Variants in STAC3 observed in about 807,000 individuals in gnomAD.
STAC3 encodes SH3 and cysteine-rich domain-containing protein 3.
A neutral mutation model predicts 48.5 loss-of-function variants in STAC3; 30 were observed. The observed-to-expected ratio is 0.62, with a 90% CI of 0.46 to 0.84. The LOEUF (loss-of-function observed/expected upper bound fraction) is 0.84, where lower values mean the gene tolerates loss of function less well. Ranked by LOEUF, STAC3 falls within the 40% of genes least tolerant of loss-of-function variation. The pLI, the probability that STAC3 is intolerant of heterozygous loss-of-function variation, is 0.00. For missense variants in STAC3, 419 were observed against 462.6 expected (o/e 0.91, Z 0.86); for synonymous variants, 144 against 158.6 (o/e 0.91, Z 0.69).
At position 57,244,791 on chromosome 12, in the gene STAC3, T is replaced by A. The variant is rs999887639; in HGVS notation, c.720+125A>T. On this transcript the variant is annotated intron_variant, in intron 8 of 11. Coordinates refer to ENST00000332782, the MANE Select transcript of STAC3 (RefSeq NM_145064.3). ...GGTGGGTGTGCAAGTTGATGGAGAG[T>A]GTGGGTCAGAAGTGATGGGAAGCCT... 46 of 1,376,038 alleles carry A rather than the reference T, an allele frequency of 3.3e-5. No individual in the cohort carries two copies. The African/African-American group carries it at 5.7e-4, about 17-fold the overall frequency. 85.2% of individuals were successfully genotyped at this position (1,376,038 alleles called of 1,614,324 possible). A position where few individuals can be genotyped will look rare whatever the true frequency, so the allele number is the denominator to read the frequency against.
rs976795207 is a variant in STAC3 at position 57,243,485 on chromosome 12, C to G, written c.*327G>C. Reference sequence around the variant, plus strand: ...AGTTTTGTCAAAAGTTTAATAAATTCGCAACATTCGACAGTTCGCCCTCCC... The same window carrying G: ...AGTTTTGTCAAAAGTTTAATAAATTGGCAACATTCGACAGTTCGCCCTCCC... On this transcript the variant is annotated 3_prime_UTR_variant, in exon 12 of 12. Coordinates refer to ENST00000332782, the MANE Select transcript of STAC3 (RefSeq NM_145064.3). 1.8e-6 allele frequency: 1 copy of G among 562,406 alleles called. No homozygotes were observed. The highest frequency in any genetic ancestry group is 1.9e-5 in the African/African-American group (1 of 52,442). 34.8% of individuals were successfully genotyped at this position (562,406 alleles called of 1,614,324 possible). A position where few individuals can be genotyped will look rare whatever the true frequency, so the allele number is the denominator to read the frequency against.
At chr12:57,249,481 C>A in intron 2 of STAC3, 90 bp downstream of exon 2, 1 of 1,549,346 alleles carries the variant, frequency 6.5e-7, no homozygotes, top group South Asian at 1.2e-5. Context: ...AAAAATGAGT[C>A]ACACACAAAT....
intron 8 of STAC3, 71 bp from the exon 9 acceptor site, chr12:57,244,693 G>C (rs2037689002): frequency 6.4e-7 from 1 of 1,562,736 alleles, no homozygotes; most frequent in Non-Finnish European, 8.8e-7. Flanking sequence ...TTCCAAGGCA[G>C]GGACATTCAC....
chr12:57,250,790 C>T (rs2037883091), intron 1 of STAC3, among the ~76,000 whole-genome samples: 1 of 152,060 alleles, frequency 6.6e-6, no homozygotes, highest in Non-Finnish European at 1.5e-5. Flanking sequence ...CTTTCCTTCC[C>T]TTACTACTTC....
intron 6 of STAC3, 24 bp downstream of exon 6, chr12:57,246,780 C>G: frequency 6.2e-7 from 1 of 1,604,100 alleles, no homozygotes; most frequent in Non-Finnish European, 8.5e-7. Flanking sequence ...TGGGAGGGAC[C>G]TCGTGGGGAG....
At chr12:57,245,332 C>T in intron 6 of STAC3, 121 bp from the exon 7 acceptor site, 3 of 893,666 alleles carry the variant, frequency 3.4e-6, no homozygotes, top group Non-Finnish European at 5.1e-6. Context: ...TGGAAGAGGC[C>T]TTGGAGGAAA....
intron 8 of STAC3, 43 bp downstream of exon 8, chr12:57,244,873 T>TG (rs1436342572): frequency 6.2e-7 from 1 of 1,610,884 alleles, no homozygotes; most frequent in Non-Finnish European, 8.5e-7. Context: ...AGAGCTGGGT[T>TG]GGGGAGAGAA....
rs747590831 is a variant in STAC3, at chr12:57,249,568, C to T, written c.66+3G>A. 8.7e-6 allele frequency: 14 copies of T among 1,613,964 alleles called. No homozygotes were observed. The highest frequency in any genetic ancestry group is 2.2e-5 in the East Asian group (1 of 44,890). On this transcript the variant is annotated splice_donor_region_variant and intron_variant, in intron 2 of 11. Coordinates refer to ENST00000332782, the MANE Select transcript of STAC3 (RefSeq NM_145064.3). ...CACCCAGTGGTCAGAGGCCCAGACT[C>T]ACCCCACTTTGCCGAGTCTCTGCTG...
Position 57,244,386 on chromosome 12 carries a change from G to T in STAC3, c.807-20C>A. 2.5e-6 allele frequency: 4 copies of T among 1,614,028 alleles called. No individual in the cohort carries two copies. The South Asian group carries it at 4.4e-5, about 18-fold the overall frequency. On this transcript the variant is annotated intron_variant, in intron 9 of 11. Transcript: ENST00000332782. The stretch of plus-strand genomic sequence containing the variant: ...CCTGGCCTGGGAGGGGAAGGGAGGG[G>T]CCTCACTCACATAGCAGGTCCCCTG...
intron 6 of STAC3, among the ~76,000 whole-genome samples, chr12:57,246,109 C>CAA (rs71084732): frequency 0.068 from 5,327 of 78,282 alleles, 176 homozygotes; most frequent in East Asian, 0.19. Context: ...AACTCTATCT[C>CAA]AAAAAAAAAA....
Position 57,250,993 on chromosome 12 carries a change from G to A in STAC3, c.-2C>T. ...TCAAGAGGATGAAGAGGTAACTTACGTTCGGGATTCCCTAAGTCAGTCCAC... is the reference window on the plus strand; with the variant it reads ...TCAAGAGGATGAAGAGGTAACTTACATTCGGGATTCCCTAAGTCAGTCCAC... On this transcript the variant is annotated splice_region_variant and 5_prime_UTR_variant, in exon 1 of 12. The change creates a new upstream start codon in the 5' untranslated region. Transcript: ENST00000332782. 1 of 322,604 alleles carries A rather than the reference G, an allele frequency of 3.1e-6. No homozygotes were observed. The highest frequency in any genetic ancestry group is 6.3e-6 in the Non-Finnish European group (1 of 159,382). 20.0% of individuals were successfully genotyped at this position (322,604 alleles called of 1,614,324 possible).
intron 1 of STAC3, 27 bp from the exon 2 acceptor site, chr12:57,249,664 A>C (rs887687605): frequency 9.9e-6 from 16 of 1,612,512 alleles, no homozygotes; most frequent in Non-Finnish European, 1.3e-5. Context: ...CCCACTATGA[A>C]ATCTAATCCC....
At position 57,246,786 on chromosome 12, in the gene STAC3, G is replaced by A; in HGVS notation, c.603+18C>T. ...TGGGATCTCTGGGAGGGACCTCGTG[G>A]GGAGGTACAGTGCTCACATTTTTCT... On this transcript the variant is annotated intron_variant, in intron 6 of 11. Coordinates refer to ENST00000332782, the MANE Select transcript of STAC3 (RefSeq NM_145064.3). 6.2e-7 allele frequency: 1 copy of A among 1,601,778 alleles called. No individual in the cohort carries two copies. The highest frequency in any genetic ancestry group is 8.6e-7 in the Non-Finnish European group (1 of 1,168,988).
chr12:57,245,217 G>A lies in STAC3; in HGVS notation c.604-6C>T. On this transcript the variant is annotated splice_region_variant and splice_polypyrimidine_tract_variant and intron_variant, in intron 6 of 11. Coordinates refer to ENST00000332782, the MANE Select transcript of STAC3 (RefSeq NM_145064.3). ...TCCATCATGGCTGCTACAGGCTGGAGGGGGCACCAGAGTTAGGGAGACGCT... is the reference window on the plus strand; with the variant it reads ...TCCATCATGGCTGCTACAGGCTGGAAGGGGCACCAGAGTTAGGGAGACGCT... 1.2e-6 allele frequency: 2 copies of A among 1,613,966 alleles called. No individual in the cohort carries two copies. The highest frequency in any genetic ancestry group is 1.3e-5 in the African/African-American group (1 of 75,012).
At chr12:57,248,001 G>A in intron 5 of STAC3, 125 bp downstream of exon 5, 2 of 867,502 alleles carry the variant, frequency 2.3e-6, no homozygotes, top group Non-Finnish European at 3.9e-6. Context: ...ATAAAAATGT[G>A]AGGTTGAGGG....
chr12:57,244,705 A>G, intron 8 of STAC3, 83 bp from the exon 9 acceptor site: 6 of 1,503,124 alleles, frequency 4.0e-6, no homozygotes, highest in Non-Finnish European at 5.5e-6. Flanking sequence ...GACATTCACC[A>G]CACACTCTAC....
At position 57,245,132 on chromosome 12, in the gene STAC3, G is replaced by A. The variant is rs1249945956; in HGVS notation, c.670+13C>T. ...TCCTACTCCATCTCTGGATGGAGGT[G>A]GGTAACACTCACCATCCTGGGGTTT... On this transcript the variant is annotated intron_variant, in intron 7 of 11. Coordinates refer to ENST00000332782, the MANE Select transcript of STAC3 (RefSeq NM_145064.3). 1 of 1,613,722 alleles carries A rather than the reference G, an allele frequency of 6.2e-7. No individual in the cohort carries two copies. Among genetic ancestry groups the A allele is most frequent in the Non-Finnish European group, 8.5e-7 (1 of 1,179,736 alleles).
chr12:57,245,124 A>C, intron 7 of STAC3, 21 bp downstream of exon 7: 5 of 1,613,734 alleles, frequency 3.1e-6, no homozygotes, highest in Non-Finnish European at 4.2e-6. Context: ...CCATCTCTGG[A>C]TGGAGGTGGG....
At chr12:57,244,713 T>C in intron 8 of STAC3, 91 bp from the exon 9 acceptor site, 1 of 1,489,220 alleles carries the variant, frequency 6.7e-7, no homozygotes, top group Non-Finnish European at 9.3e-7. Context: ...CCACACACTC[T>C]ACACTCCAAC....
Sources: gnomAD v4.1 joint callset for allele counts (sites outside exome capture counted in the v4.1 genomes callset) on GRCh38, gnomAD v4.1.1 for gene constraint, MANE v1.5 for transcripts, NCBI Gene and HGNC (gene_info 2026-07-23, HGNC 2026-07-21) for gene names.